The following TRMT11 variants were observed in gnomAD, a reference collection of about 807,000 sequenced individuals.
TRMT11 encodes tRNA methyltransferase 11.
Under a neutral mutation model 62.8 loss-of-function variants are expected in TRMT11, and 53 were observed. The ratio of observed to expected loss-of-function variants is 0.84; its 90% CI spans 0.68 to 1.06. The LOEUF is 1.06. Ranked by LOEUF, TRMT11 falls within the 50% of genes least tolerant of loss-of-function variation. The pLI, the probability that TRMT11 is intolerant of heterozygous loss-of-function variation, is 0.00. For missense variants in TRMT11, 556 were observed against 553.4 expected (o/e 1.00, Z -0.05); for synonymous variants, 188 against 190.3 (o/e 0.99, Z 0.10).
At chr6:126,132,295 T>C (rs1463400263) in intron 21 of TRMT11, among the ~76,000 whole-genome samples, 1 of 152,070 alleles carries the variant, frequency 6.6e-6, no homozygotes, top group Non-Finnish European at 1.5e-5. Context: ...GACCTGTCAC[T>C]CTGTGGACTC....
chr6:126,151,866 C>CTTTAGTTT (rs1778054597), intron 21 of TRMT11, among the ~76,000 whole-genome samples: 2 of 96,622 alleles, frequency 2.1e-5, no homozygotes, highest in African/African-American at 8.8e-5. Context: ...TTCTTTCTTT[C>CTTTAGTTT]CTTCTTTCTC....
At chr6:125,989,863 C>A (rs1217239456) in intron 1 of TRMT11, among the ~76,000 whole-genome samples, 1 of 152,212 alleles carries the variant, frequency 6.6e-6, no homozygotes, top group Non-Finnish European at 1.5e-5. Flanking sequence ...AAAACTGACT[C>A]ATTATTCCCT....
At chr6:126,036,645 A>G (rs1583822335) in intron 12 of TRMT11, among the ~76,000 whole-genome samples, 1 of 152,140 alleles carries the variant, frequency 6.6e-6, no homozygotes, top group Non-Finnish European at 1.5e-5. Context: ...GCATCTGGAC[A>G]TAGCTTTAAA....
At chr6:125,990,242 A>G (rs971416823) in intron 1 of TRMT11, among the ~76,000 whole-genome samples, 14 of 152,292 alleles carry the variant, frequency 9.2e-5, no homozygotes, top group South Asian at 8.3e-4. Flanking sequence ...ATTTGAAAAA[A>G]TAATTTGAGG....
At chr6:125,997,517 C>T (rs1029947372) in intron 3 of TRMT11, among the ~76,000 whole-genome samples, 7 of 152,234 alleles carry the variant, frequency 4.6e-5, no homozygotes, top group East Asian at 1.9e-4. Flanking sequence ...TACGTGCGCA[C>T]GCACATGCAT....
chr6:126,259,077 T>A, the TRMT11 span, among the ~76,000 whole-genome samples: 1 of 152,206 alleles, frequency 6.6e-6, no homozygotes, highest in Non-Finnish European at 1.5e-5. Context: ...CATGCAGTAT[T>A]TGGTTTTCTG....
chr6:125,997,908 A>G (rs1791820300), intron 3 of TRMT11, 145 bp from the exon 4 acceptor site: 1 of 580,222 alleles, frequency 1.7e-6, no homozygotes, highest in Non-Finnish European at 3.1e-6. Context: ...TTACCCATTT[A>G]TCTAAAATAA....
At chr6:126,182,364 A>G (rs1398845775) in intron 1 of TRMT11, among the ~76,000 whole-genome samples, 2 of 149,612 alleles carry the variant, frequency 1.3e-5, no homozygotes, top group Non-Finnish European at 3.0e-5. Flanking sequence ...CTTGGGTAGC[A>G]TTTCTTCTTT....
At chr6:126,068,348 T>G (rs1032890701) in intron 17 of TRMT11, among the ~76,000 whole-genome samples, 1 of 152,246 alleles carries the variant, frequency 6.6e-6, no homozygotes, top group African/African-American at 2.4e-5. Flanking sequence ...AAATACTGTA[T>G]TCTCTTGACT....
chr6:126,171,859 C>T (rs141060714), intron 21 of TRMT11, among the ~76,000 whole-genome samples: 45 of 152,100 alleles, frequency 3.0e-4, no homozygotes, highest in African/African-American at 9.9e-4. Context: ...CCTAGGATTA[C>T]GGGCAGCCTG....
At chr6:126,249,691 T>C in the TRMT11 span, among the ~76,000 whole-genome samples, 1 of 151,940 alleles carries the variant, frequency 6.6e-6, no homozygotes. Context: ...GGTGTGAAAG[T>C]GTGGGGATAG....
chr6:126,051,111 G>C (rs1201377479), intron 16 of TRMT11, among the ~76,000 whole-genome samples: 1 of 152,178 alleles, frequency 6.6e-6, no homozygotes, highest in Non-Finnish European at 1.5e-5. Flanking sequence ...TTTATATTGG[G>C]TTTAATAACT....
At chr6:126,269,847 A>G in the TRMT11 span, among the ~76,000 whole-genome samples, 1 of 152,222 alleles carries the variant, frequency 6.6e-6, no homozygotes, top group African/African-American at 2.4e-5. Flanking sequence ...GAATAAGGAA[A>G]CAAATATGTA....
intron 1 of TRMT11, among the ~76,000 whole-genome samples, chr6:125,992,923 G>C (rs998472624): frequency 6.6e-6 from 1 of 152,190 alleles, no homozygotes; most frequent in Non-Finnish European, 1.5e-5. Flanking sequence ...GGCACTAGTA[G>C]CTTGAACTTC....
chr6:126,153,291 A>G (rs1303507730), intron 21 of TRMT11, among the ~76,000 whole-genome samples: 5 of 152,248 alleles, frequency 3.3e-5, no homozygotes, highest in Admixed American at 3.3e-4. Context: ...TAAGGATAAT[A>G]AAATGAATTT....
At chr6:126,061,751 A>G (rs1271580990) in intron 17 of TRMT11, among the ~76,000 whole-genome samples, 1 of 152,138 alleles carries the variant, frequency 6.6e-6, no homozygotes, top group Non-Finnish European at 1.5e-5. Flanking sequence ...TTAACTGGAC[A>G]CCCTCTGATG....
At chr6:126,203,030 T>A (rs1450891185), downstream of TRMT11, among the ~76,000 whole-genome samples, 2 of 152,210 alleles carry the variant, frequency 1.3e-5, no homozygotes, top group Non-Finnish European at 2.9e-5. Context: ...AAAGTATGAA[T>A]TTCTGAGAAA....
chr6:126,039,456 C>T (rs1775793225), downstream of TRMT11, among the ~76,000 whole-genome samples: 1 of 152,004 alleles, frequency 6.6e-6, no homozygotes, highest in Admixed American at 6.6e-5. Flanking sequence ...CTCTTTTGTA[C>T]CTTGGATTTG....
At position 125,999,727 on chromosome 6, in the gene TRMT11, G is replaced by A; in HGVS notation, c.679+114G>A. 5.5e-6 allele frequency: 5 copies of A among 916,832 alleles called. No individual in the cohort carries two copies. In the South Asian group the frequency reaches 9.3e-5, roughly 17 times the overall value. The allele number at this position is 916,832 out of a possible 1,614,324, so 56.8% of individuals were successfully genotyped here. On this transcript the variant is annotated intron_variant, in intron 7 of 12. Transcript: ENST00000334379. ...ATGGATAATCTTTTAATTGTGTTTG[G>A]ATAGTGGCCAACAGACAACCACATA... is the stretch of plus-strand genomic sequence containing the variant.
Sources: allele counts gnomAD v4.1 joint callset (sites outside exome capture counted in the v4.1 genomes callset), GRCh38; gene constraint gnomAD v4.1.1; transcripts MANE v1.5; gene names NCBI Gene and HGNC (gene_info 2026-07-23, HGNC 2026-07-21).